Variants in PDE4B observed in about 807,000 individuals in gnomAD.
The protein encoded by PDE4B is phosphodiesterase 4B, also known as 3',5'-cyclic-AMP phosphodiesterase 4B.
Under a neutral mutation model 82.2 loss-of-function variants are expected in PDE4B, and 20 were observed. The observed-to-expected ratio is 0.24, with a 90% CI of 0.17 to 0.35. PDE4B has a LOEUF of 0.35. Among genes scored for constraint, PDE4B ranks in the 10% least tolerant of loss-of-function variants. The pLI, the probability that PDE4B is intolerant of heterozygous loss-of-function variation, is 1.00. For missense variants in PDE4B, 655 were observed against 907.2 expected (o/e 0.72, Z 3.57); for synonymous variants, 320 against 318.9 (o/e 1.00, Z -0.04).
At chr1:66,307,510 G>T (rs889556636) in intron 7 of PDE4B, among the ~76,000 whole-genome samples, 3 of 152,184 alleles carry the variant, frequency 2.0e-5, no homozygotes, top group African/African-American at 7.2e-5. Context: ...TATCTCATCA[G>T]TGAGGTAGAA....
intron 3 of PDE4B, among the ~76,000 whole-genome samples, chr1:65,966,753 C>A (rs2100612736): frequency 6.6e-6 from 1 of 151,508 alleles, no homozygotes; most frequent in Non-Finnish European, 1.5e-5. Flanking sequence ...ATAATCCGAT[C>A]TTTGACAAAT....
intron 1 of PDE4B, among the ~76,000 whole-genome samples, chr1:65,866,613 C>T (rs970186118): frequency 9.9e-5 from 15 of 152,108 alleles, no homozygotes; most frequent in African/African-American, 2.2e-4. Flanking sequence ...TACTAGGTCA[C>T]GTAAAGCTAC....
intron 3 of PDE4B, among the ~76,000 whole-genome samples, chr1:66,113,268 T>A (rs919898540): frequency 6.6e-6 from 1 of 152,228 alleles, no homozygotes; most frequent in African/African-American, 2.4e-5. Flanking sequence ...AATTTACAAT[T>A]ATAATTGTCA....
At chr1:66,291,263 G>A (rs1340147865) in intron 7 of PDE4B, among the ~76,000 whole-genome samples, 1 of 152,082 alleles carries the variant, frequency 6.6e-6, no homozygotes, top group Non-Finnish European at 1.5e-5. Context: ...GTGAGCTTTA[G>A]GGAGGTTAAA....
At position 66,343,097 on chromosome 1, in the gene PDE4B, G is replaced by T. The variant is rs1455529507; in HGVS notation, c.747+10477G>T. The stretch of plus-strand genomic sequence containing the variant: ...AAAAAAAAACAAAAAAAACTAAAAT[G>T]GAGATTTTATTGAGGGAAAATCCAT... On this transcript the variant is annotated intron_variant, in intron 8 of 16. Transcript: ENST00000341517. 2.6e-5 allele frequency among the ~76,000 whole-genome samples: 4 copies of T among 152,034 alleles called. No homozygotes were observed. In the East Asian group the frequency reaches 7.7e-4, roughly 29 times the overall value.
chr1:66,311,624 G>A (rs764477580), intron 7 of PDE4B, among the ~76,000 whole-genome samples: 24 of 152,252 alleles, frequency 1.6e-4, no homozygotes, highest in Non-Finnish European at 2.8e-4. Context: ...ACCTCTCCGA[G>A]TGCCCAGCAG....
At chr1:66,021,493 A>G (rs1653107435) in intron 3 of PDE4B, among the ~76,000 whole-genome samples, 1 of 152,182 alleles carries the variant, frequency 6.6e-6, no homozygotes, top group Non-Finnish European at 1.5e-5. Context: ...TAATTTTTGT[A>G]TAAGATATAA....
chr1:66,245,591 A>G lies in PDE4B; in HGVS notation c.282-1869A>G, dbSNP rs191780022. On this transcript the variant is annotated intron_variant, in intron 3 of 16. Transcript: ENST00000341517. ...CTGCAATGTATGTGGCTAACAACGT[A>G]GCTCTGCCTCCAGGCAGGCTGGCAA... Among the ~76,000 whole-genome samples the G allele has an allele frequency of 1.3e-4, 20 of 152,346 alleles. No homozygotes were observed. In the East Asian group the frequency reaches 3.9e-3, roughly 29 times the overall value.
At chr1:66,125,416 C>A (rs907294059) in intron 3 of PDE4B, among the ~76,000 whole-genome samples, 3 of 152,212 alleles carry the variant, frequency 2.0e-5, no homozygotes, top group African/African-American at 7.2e-5. Flanking sequence ...CCTGTCTCGG[C>A]CTTCCAAAGT....
At chr1:65,886,293 A>G (rs1054558146) in intron 1 of PDE4B, among the ~76,000 whole-genome samples, 3 of 152,016 alleles carry the variant, frequency 2.0e-5, no homozygotes, top group African/African-American at 7.2e-5. Flanking sequence ...TACATGTGGT[A>G]TTTTGTTATA....
At chr1:66,056,875 C>T (rs909545225) in intron 3 of PDE4B, among the ~76,000 whole-genome samples, 4 of 152,122 alleles carry the variant, frequency 2.6e-5, no homozygotes, top group African/African-American at 9.7e-5. Context: ...TTGACTTTTA[C>T]CCAGTGAAAC....
At chr1:66,222,481 C>T (rs1173917224) in intron 3 of PDE4B, among the ~76,000 whole-genome samples, 1 of 152,170 alleles carries the variant, frequency 6.6e-6, no homozygotes, top group African/African-American at 2.4e-5. Flanking sequence ...CTACTATCTT[C>T]CTGAGGCCTA....
intron 3 of PDE4B, among the ~76,000 whole-genome samples, chr1:66,216,926 C>G (rs1650507263): frequency 6.6e-6 from 1 of 152,136 alleles, no homozygotes; most frequent in Admixed American, 6.6e-5. Flanking sequence ...GCAAGGGAAA[C>G]TGAGGACAAA....
chr1:66,203,304 T>G (rs479464), intron 3 of PDE4B, among the ~76,000 whole-genome samples: 34,557 of 151,706 alleles, frequency 0.23, 3,991 homozygotes, highest in African/African-American at 0.26. Context: ...TTCAACTTTG[T>G]TGAATCTGAC....
At chr1:66,122,125 T>G (rs1162271856) in intron 3 of PDE4B, among the ~76,000 whole-genome samples, 1 of 152,174 alleles carries the variant, frequency 6.6e-6, no homozygotes, top group Non-Finnish European at 1.5e-5. Flanking sequence ...GGCTACTGAC[T>G]GATTGTAGAA....
intron 3 of PDE4B, among the ~76,000 whole-genome samples, chr1:66,200,547 T>A (rs200044722): frequency 6.6e-6 from 1 of 152,000 alleles, no homozygotes; most frequent in Non-Finnish European, 1.5e-5. Context: ...AGTTCTCCTT[T>A]AAGAGGTCCT....
chr1:65,989,886 G>A (rs1231738721), intron 3 of PDE4B, among the ~76,000 whole-genome samples: 1 of 77,518 alleles, frequency 1.3e-5, no homozygotes, highest in Non-Finnish European at 2.4e-5. Context: ...ATTTGGCAAA[G>A]TGTCTCATTT....
At chr1:66,344,105 T>C (rs976459547) in intron 8 of PDE4B, among the ~76,000 whole-genome samples, 1 of 152,216 alleles carries the variant, frequency 6.6e-6, no homozygotes, top group Non-Finnish European at 1.5e-5. Flanking sequence ...CCAATGCCTG[T>C]AGCCTTGTCT....
At chr1:66,286,492 G>A (rs1656685858) in intron 7 of PDE4B, among the ~76,000 whole-genome samples, 1 of 152,086 alleles carries the variant, frequency 6.6e-6, no homozygotes, top group African/African-American at 2.4e-5. Flanking sequence ...GCCACATTGT[G>A]AAACATTATT....
Sources: allele counts gnomAD v4.1 joint callset (sites outside exome capture counted in the v4.1 genomes callset), GRCh38; gene constraint gnomAD v4.1.1; transcripts MANE v1.5; gene names NCBI Gene and HGNC (gene_info 2026-07-23, HGNC 2026-07-21).